The following DHX57 variants were observed in gnomAD, a reference collection of about 807,000 sequenced individuals.
The protein encoded by DHX57 is putative ATP-dependent RNA helicase DHX57.
DHX57 carries 105 observed loss-of-function variants against 156.2 expected under a neutral mutation model. The observed-to-expected ratio is 0.67, with a 90% confidence interval of 0.57 to 0.79. DHX57 has a LOEUF of 0.79. Ranked by LOEUF, DHX57 falls within the 30% of genes least tolerant of loss-of-function variation. The pLI, the probability that DHX57 is intolerant of heterozygous loss-of-function variation, is 0.00. For missense variants in DHX57, 1,847 were observed against 1,661.9 expected, an observed-to-expected ratio of 1.11 and a Z score of -1.94; for synonymous variants, 704 against 595.6, an observed-to-expected ratio of 1.18 and a Z score of -2.65.
At chr2:38,874,250 C>T (rs1665490167) in intron 1 of DHX57, among the ~76,000 whole-genome samples, 1 of 151,914 alleles carries the variant, frequency 6.6e-6, no homozygotes, top group African/African-American at 2.4e-5. Flanking sequence ...CCACCACACC[C>T]AGCTACTTTA....
intron 6 of DHX57, 112 bp from the exon 7 acceptor site, chr2:38,856,573 G>C: frequency 3.0e-6 from 4 of 1,341,236 alleles, no homozygotes; most frequent in Non-Finnish European, 3.9e-6. Flanking sequence ...GTGCGATCAC[G>C]GCTCACTCCA....
In DHX57 at chr2:38,825,842, G is replaced by A. The variant is rs1409691000; in HGVS notation, c.3014+5C>T. On this transcript the variant is annotated splice_donor_5th_base_variant and intron_variant, in intron 16 of 23. Coordinates refer to ENST00000457308, the MANE Select transcript of DHX57 (RefSeq NM_198963.3). ...GGAAGCAAAACACAAAAAACCAGAT[G>A]TCACCTTAGACACAGCTGTTCCAAT... The A allele has an allele frequency of 6.2e-7, 1 of 1,614,052 alleles. No individual in the cohort carries two copies. The highest frequency in any genetic ancestry group is 8.5e-7 in the Non-Finnish European group (1 of 1,179,950).
chr2:38,850,177 C>T lies in DHX57; in HGVS notation c.2031-1775G>A, dbSNP rs146680960. On this transcript the variant is annotated intron_variant, in intron 9 of 23. Transcript: ENST00000457308. Reference sequence around the variant, plus strand: ...AAGTAACTATTTCTAACAAAGTAAACATCTATATCCATGCATAGAAAGATG... The same window carrying T: ...AAGTAACTATTTCTAACAAAGTAAATATCTATATCCATGCATAGAAAGATG... 4.5e-3 allele frequency among the ~76,000 whole-genome samples: 687 copies of T among 152,230 alleles called. 5 individuals are homozygous for T. Among genetic ancestry groups the T allele is most frequent in the African/African-American group, 0.016 (660 of 41,544 alleles).
intron 22 of DHX57, chr2:38,803,118 G>T: frequency 3.5e-5 from 19 of 538,218 alleles, no homozygotes; most frequent in South Asian, 1.6e-4. Context: ...TCTCACACTT[G>T]TGTTTAAAAA....
intron 13 of DHX57, among the ~76,000 whole-genome samples, chr2:38,831,666 T>A (rs7602168): frequency 6.6e-6 from 1 of 151,528 alleles, no homozygotes. Context: ...ACCAGCCTGG[T>A]CAACATAGTG....
At chr2:38,808,756 T>A (rs1332867986) in intron 21 of DHX57, among the ~76,000 whole-genome samples, 3 of 152,206 alleles carry the variant, frequency 2.0e-5, no homozygotes, top group African/African-American at 7.2e-5. Flanking sequence ...ATTATTTATT[T>A]ATTTGCATTA....
chr2:38,853,939 G>T, intron 9 of DHX57, 115 bp downstream of exon 9: 1 of 1,064,734 alleles, frequency 9.4e-7, no homozygotes, highest in Non-Finnish European at 1.3e-6. Context: ...GGCCTTCCTT[G>T]TGGCAAATTA....
At chr2:38,839,943 G>A (rs1218142622) in intron 12 of DHX57, among the ~76,000 whole-genome samples, 1 of 152,058 alleles carries the variant, frequency 6.6e-6, no homozygotes, top group East Asian at 1.9e-4. Flanking sequence ...ACATAGTTTT[G>A]TTTTTTAAAA....
At chr2:38,869,400 C>G (rs537731846) in intron 1 of DHX57, among the ~76,000 whole-genome samples, 4 of 152,270 alleles carry the variant, frequency 2.6e-5, no homozygotes, top group East Asian at 1.9e-4. Context: ...TGTTGGCCAA[C>G]TAGTTTGCAG....
intron 17 of DHX57, among the ~76,000 whole-genome samples, chr2:38,821,094 T>C (rs1670791598): frequency 2.0e-5 from 3 of 151,530 alleles, no homozygotes; most frequent in South Asian, 4.2e-4. Flanking sequence ...CACAAATATA[T>C]AGAAATTAAA....
intron 19 of DHX57, among the ~76,000 whole-genome samples, chr2:38,818,268 T>A (rs1235039990): frequency 6.6e-6 from 1 of 152,140 alleles, no homozygotes; most frequent in Non-Finnish European, 1.5e-5. Context: ...GTCTCACACC[T>A]GTAATCCCAG....
intron 21 of DHX57, among the ~76,000 whole-genome samples, chr2:38,811,998 A>G (rs1423934620): frequency 6.6e-6 from 1 of 152,052 alleles, no homozygotes; most frequent in African/African-American, 2.4e-5. Flanking sequence ...AGCTCAAGCA[A>G]TCCGCCCACC....
At position 38,858,754 on chromosome 2, in the gene DHX57, G is replaced by A. The variant is rs1469004966; in HGVS notation, c.1494C>T (p.Asn498=). Residue 498 remains asparagine (N), a synonymous_variant, in exon 6 of 24, where the codon AAC becomes AAT. Coordinates refer to ENST00000457308, the MANE Select transcript of DHX57 (RefSeq NM_198963.3). ...PVIVENESYV[N]LKKKISKRYD... is the part of the protein sequence containing the mutation. ...ATCTTTTGGAAATCTTTTTCTTAAG[G>A]TTCACATAGCTTTCATTCTCTACTA... 1.9e-6 allele frequency: 3 copies of A among 1,613,982 alleles called. No homozygotes were observed. In the East Asian group the frequency reaches 6.7e-5, roughly 36 times the overall value.
At chr2:38,811,358 G>A in intron 21 of DHX57, 1 of 532,956 alleles carries the variant, frequency 1.9e-6, no homozygotes, top group East Asian at 4.4e-5. Context: ...CTCCCACTGA[G>A]CAATTTCCAC....
chr2:38,835,398 T>C (rs949251529), intron 13 of DHX57, among the ~76,000 whole-genome samples: 1 of 152,148 alleles, frequency 6.6e-6, no homozygotes, highest in Non-Finnish European at 1.5e-5. Flanking sequence ...AGTGTTCTGG[T>C]TGTACAAGAA....
Position 38,828,446 on chromosome 2 carries a change from T to G in DHX57, c.2543-10A>C. 1.3e-6 allele frequency: 2 copies of G among 1,593,112 alleles called. No homozygotes were observed. Among genetic ancestry groups the G allele is most frequent in the Non-Finnish European group, 1.7e-6 (2 of 1,169,148 alleles). ...AATACAAGTATAGCACCTGGGTATA[T>G]AAAAAGAATCAATATGTGGGTAAGC... is the stretch of plus-strand genomic sequence containing the variant. On this transcript the variant is annotated splice_polypyrimidine_tract_variant and intron_variant, in intron 13 of 23. Coordinates refer to ENST00000457308, the MANE Select transcript of DHX57 (RefSeq NM_198963.3).
chr2:38,851,785 T>C (rs1051196889), intron 9 of DHX57, among the ~76,000 whole-genome samples: 1 of 152,228 alleles, frequency 6.6e-6, no homozygotes, highest in African/African-American at 2.4e-5. Flanking sequence ...TTTAAACTTA[T>C]CTTTATAAAT....
chr2:38,812,260 A>G (rs1018417941), intron 21 of DHX57, among the ~76,000 whole-genome samples: 1 of 100,944 alleles, frequency 9.9e-6, no homozygotes, highest in African/African-American at 2.8e-5. Context: ...TACAAAGCAC[A>G]AACAATTTTT....
At chr2:38,833,703 A>T (rs1190194805) in intron 13 of DHX57, among the ~76,000 whole-genome samples, 3 of 152,154 alleles carry the variant, frequency 2.0e-5, no homozygotes, top group African/African-American at 7.2e-5. Context: ...TGTTCAGTTG[A>T]TCCTTGAACA....
Sources: gnomAD v4.1 joint callset for allele counts (sites outside exome capture counted in the v4.1 genomes callset) on GRCh38, gnomAD v4.1.1 for gene constraint, MANE v1.5 for transcripts, NCBI Gene and HGNC (gene_info 2026-07-23, HGNC 2026-07-21) for gene names.